NAALADL2: variants seen among roughly 807,000 people sequenced by gnomAD.
The protein encoded by NAALADL2 is N-acetylated alpha-linked acidic dipeptidase like 2.
NAALADL2 carries 76 observed loss-of-function variants against 87.2 expected under a neutral mutation model. The observed-to-expected ratio is 0.87, with a 90% confidence interval of 0.72 to 1.05. The LOEUF (loss-of-function observed/expected upper bound fraction) is 1.05, where lower values mean the gene tolerates loss of function less well. NAALADL2 is among the 50% of genes least tolerant of loss of function. The pLI is 0.00. For synonymous variants in NAALADL2, 354 were observed against 331.0 expected (o/e 1.07, Z -0.75); for missense variants, 1,089 against 945.8 (o/e 1.15, Z -1.99).
At chr3:175,597,029 G>C (rs1341007391) in intron 10 of NAALADL2, among the ~76,000 whole-genome samples, 10 of 152,070 alleles carry the variant, frequency 6.6e-5, no homozygotes, top group South Asian at 6.2e-4. Context: ...TTAGGGTTTT[G>C]ACAGTTTGAG....
chr3:175,234,057 A>G lies in NAALADL2; in HGVS notation c.672A>G (p.Pro224=), dbSNP rs1581039756. The G allele has an allele frequency of 6.2e-6, 10 of 1,613,810 alleles. No individual in the cohort carries two copies. The highest frequency in any genetic ancestry group is 7.6e-6 in the Non-Finnish European group (9 of 1,179,844). ...ATTACTCTGTGCTGCTTGATCTGCC[A>G]GGCCCTTCTCCCAGCACTGTGACTC... ...FVNYSVLLDL[P]GPSPSTVTLS... is the part of the protein sequence containing the mutation. Residue 224 remains proline (P), a synonymous_variant, in exon 3 of 14, where the codon CCA becomes CCG. Transcript: ENST00000454872.
intron 2 of NAALADL2, among the ~76,000 whole-genome samples, chr3:175,194,157 A>G (rs1343949476): frequency 6.6e-6 from 1 of 151,868 alleles, no homozygotes; most frequent in Non-Finnish European, 1.5e-5. Flanking sequence ...TTATATATGT[A>G]TATATTTTTA....
intron 2 of NAALADL2, among the ~76,000 whole-genome samples, chr3:175,171,418 T>A (rs1734789819): frequency 6.6e-6 from 1 of 152,098 alleles, no homozygotes; most frequent in South Asian, 2.1e-4. Context: ...TTGATATGAC[T>A]GCCTTCTAAA....
rs5854656 is a variant in NAALADL2, at chr3:175,730,395, G to GATATAT, written c.1897-6867_1897-6862dup. ...GAGTATTTTCAGAAAACTTAATACA[G>GATATAT]ATATATATATATATATATATATATA... On this transcript the variant is annotated intron_variant, in intron 11 of 13. Coordinates refer to ENST00000454872, the MANE Select transcript of NAALADL2 (RefSeq NM_207015.3). Among the ~76,000 whole-genome samples, 160 of 55,722 alleles carry GATATAT rather than the reference G, an allele frequency of 2.9e-3. 1 individual carries two copies. Among genetic ancestry groups the GATATAT allele is most frequent in the East Asian group, 9.0e-3 (8 of 886 alleles). The allele number at this position is 55,722 out of a possible 152,430, so 36.6% of individuals were successfully genotyped here. A position where few individuals can be genotyped will look rare whatever the true frequency, so the allele number is the denominator to read the frequency against.
At chr3:175,182,063 C>G (rs1206933028) in intron 2 of NAALADL2, among the ~76,000 whole-genome samples, 1 of 151,812 alleles carries the variant, frequency 6.6e-6, no homozygotes, top group Non-Finnish European at 1.5e-5. Context: ...CAACACTTAT[C>G]TTTTGTCTTT....
chr3:174,545,123 C>G (rs917016099), intron 1 of NAALADL2, among the ~76,000 whole-genome samples: 1 of 152,116 alleles, frequency 6.6e-6, no homozygotes, highest in Non-Finnish European at 1.5e-5. Context: ...AAATGATCCT[C>G]GTGTCTTGGC....
chr3:174,855,962 G>C (rs1440665039), upstream of NAALADL2, among the ~76,000 whole-genome samples: 1 of 115,668 alleles, frequency 8.6e-6, no homozygotes, highest in African/African-American at 3.7e-5. Flanking sequence ...GAATATATGT[G>C]TATGTGTGTG....
intron 2 of NAALADL2, among the ~76,000 whole-genome samples, chr3:174,577,929 A>G (rs773347543): frequency 6.6e-6 from 1 of 152,042 alleles, no homozygotes; most frequent in Admixed American, 6.6e-5. Flanking sequence ...GAGCAGAGAA[A>G]TAGAAACTAT....
intron 2 of NAALADL2, among the ~76,000 whole-genome samples, chr3:175,162,244 T>C (rs1235356311): frequency 6.6e-6 from 1 of 152,172 alleles, no homozygotes; most frequent in Non-Finnish European, 1.5e-5. Context: ...ATGCCTTGAC[T>C]TTCCCTTTTC....
At chr3:174,954,116 C>T (rs1273979133) in intron 1 of NAALADL2, among the ~76,000 whole-genome samples, 2 of 152,098 alleles carry the variant, frequency 1.3e-5, no homozygotes, top group Admixed American at 6.6e-5. Flanking sequence ...TTCCTTCTGG[C>T]ACATCCACTG....
intron 2 of NAALADL2, among the ~76,000 whole-genome samples, chr3:175,126,080 T>A (rs775543238): frequency 3.9e-5 from 6 of 152,088 alleles, no homozygotes; most frequent in Admixed American, 3.3e-4. Context: ...ATCTGGCAAT[T>A]GACTAATGGA....
At chr3:174,589,449 G>A (rs530982483) in intron 2 of NAALADL2, among the ~76,000 whole-genome samples, 69 of 152,290 alleles carry the variant, frequency 4.5e-4, no homozygotes, top group African/African-American at 1.3e-3. Flanking sequence ...CATCTTCTGC[G>A]TCGCTTATGC....
At chr3:174,680,610 T>C (rs1310262796) in intron 2 of NAALADL2, among the ~76,000 whole-genome samples, 1 of 152,226 alleles carries the variant, frequency 6.6e-6, no homozygotes, top group African/African-American at 2.4e-5. Flanking sequence ...AAAGAAGTGT[T>C]ATTTTTACAG....
At chr3:175,531,005 G>A (rs955756204) in intron 9 of NAALADL2, among the ~76,000 whole-genome samples, 1 of 152,074 alleles carries the variant, frequency 6.6e-6, no homozygotes, top group Non-Finnish European at 1.5e-5. Context: ...GGCCTCCACT[G>A]TGATTTACCT....
At chr3:175,498,052 T>C (rs929363005) in intron 9 of NAALADL2, among the ~76,000 whole-genome samples, 1 of 152,072 alleles carries the variant, frequency 6.6e-6, no homozygotes, top group Non-Finnish European at 1.5e-5. Flanking sequence ...ATTTAGTTAC[T>C]GAAGAATGTA....
At chr3:175,362,652 A>G (rs576739091) in intron 5 of NAALADL2, among the ~76,000 whole-genome samples, 3 of 148,320 alleles carry the variant, frequency 2.0e-5, no homozygotes, top group Non-Finnish European at 3.0e-5. Flanking sequence ...TGCATGTTGA[A>G]GAATCTATTT....
intron 2 of NAALADL2, among the ~76,000 whole-genome samples, chr3:174,570,977 C>T (rs1207351196): frequency 2.0e-5 from 3 of 152,066 alleles, no homozygotes; most frequent in Admixed American, 6.6e-5. Flanking sequence ...TCTATAACTG[C>T]GATTCTCCAA....
chr3:174,612,877 A>G (rs1385078545), intron 2 of NAALADL2, among the ~76,000 whole-genome samples: 2 of 152,098 alleles, frequency 1.3e-5, no homozygotes, highest in African/African-American at 4.8e-5. Flanking sequence ...CTGGGCATTG[A>G]AGAGTTAGAT....
intron 3 of NAALADL2, among the ~76,000 whole-genome samples, chr3:174,766,460 G>A (rs1713816916): frequency 6.6e-6 from 1 of 152,172 alleles, no homozygotes; most frequent in Non-Finnish European, 1.5e-5. Context: ...TATGGGATGG[G>A]TGAAGGTGTC....
Sources: gnomAD v4.1 joint callset for allele counts (sites outside exome capture counted in the v4.1 genomes callset) on GRCh38, gnomAD v4.1.1 for gene constraint, MANE v1.5 for transcripts, NCBI Gene and HGNC (gene_info 2026-07-23, HGNC 2026-07-21) for gene names.